LRBA: variants seen among roughly 807,000 people sequenced by gnomAD.
The protein encoded by LRBA is LPS responsive beige-like anchor protein.
LRBA carries 176 observed loss-of-function variants against 330.0 expected under a neutral mutation model. The observed-to-expected ratio is 0.53, with a 90% CI of 0.47 to 0.60. The LOEUF (loss-of-function observed/expected upper bound fraction) is 0.60. Ranked by LOEUF, LRBA falls within the 20% of genes least tolerant of loss-of-function variation. LRBA has a pLI of 0.00. For missense variants in LRBA, 3,259 were observed against 3,444.8 expected, an observed-to-expected ratio of 0.95 and a Z score of 1.35; for synonymous variants, 1,230 against 1,193.0, an observed-to-expected ratio of 1.03 and a Z score of -0.64.
chr4:150,744,451 CA>C (rs1303738956), intron 35 of LRBA, among the ~76,000 whole-genome samples: 2 of 152,140 alleles, frequency 1.3e-5, no homozygotes, highest in African/African-American at 4.8e-5. Flanking sequence ...GTAATATTCT[CA>C]GCTTTAATTT....
At chr4:150,533,990 A>G (rs1368621092) in intron 40 of LRBA, among the ~76,000 whole-genome samples, 1 of 152,112 alleles carries the variant, frequency 6.6e-6, no homozygotes, top group African/African-American at 2.4e-5. Context: ...GACCCACATC[A>G]AGTATCTCTA....
intron 37 of LRBA, among the ~76,000 whole-genome samples, chr4:150,657,850 CT>C (rs1209349042): frequency 6.6e-6 from 1 of 151,994 alleles, no homozygotes; most frequent in East Asian, 1.9e-4. Context: ...TAACAGTTTG[CT>C]TTTTTTAAGT....
Position 150,349,983 on chromosome 4 carries a change from A to G in LRBA, c.7362+9T>C. Reference sequence around the variant, plus strand: ...ACTATAAGTTGCTTTCTCAATTCAGATAACTTACCTCTCTCAACACAGGAT... The same window carrying G: ...ACTATAAGTTGCTTTCTCAATTCAGGTAACTTACCTCTCTCAACACAGGAT... On this transcript the variant is annotated intron_variant, in intron 48 of 56. Transcript: ENST00000651943. 1.2e-6 allele frequency: 2 copies of G among 1,612,878 alleles called. No homozygotes were observed. Among genetic ancestry groups the G allele is most frequent in the African/African-American group, 1.3e-5 (1 of 74,926 alleles).
intron 25 of LRBA, 108 bp downstream of exon 25, chr4:150,849,313 AT>A: frequency 1.1e-6 from 1 of 926,748 alleles, no homozygotes; most frequent in Non-Finnish European, 1.7e-6. Context: ...ATTGTTTTTT[AT>A]TTATAGCACC....
intron 2 of LRBA, among the ~76,000 whole-genome samples, chr4:151,005,883 C>T (rs1343177168): frequency 2.6e-5 from 4 of 151,986 alleles, no homozygotes; most frequent in Admixed American, 1.3e-4. Context: ...GACTTACAGA[C>T]GTGAGCCACC....
In LRBA at chr4:151,014,925, G is replaced by A. The variant is rs1745256551; in HGVS notation, c.-219-64C>T. 8.7e-6 allele frequency: 3 copies of A among 343,580 alleles called. No individual in the cohort carries two copies. In the Admixed American group the frequency reaches 1.3e-4, roughly 15 times the overall value. The allele number at this position is 343,580 out of a possible 1,614,324, so 21.3% of individuals were successfully genotyped here. On this transcript the variant is annotated intron_variant, in intron 1 of 56. Coordinates refer to ENST00000651943, the MANE Select transcript of LRBA (RefSeq NM_001364905.1). ...TTGTTTTAGGGTTTTGAGGGGACAAGAGGGAAATAGTTATTGTCGGTCAAG... is the reference window on the plus strand; with the variant it reads ...TTGTTTTAGGGTTTTGAGGGGACAAAAGGGAAATAGTTATTGTCGGTCAAG...
chr4:150,470,867 ACACACACAC>A (rs1395400461), intron 43 of LRBA, among the ~76,000 whole-genome samples: 4 of 127,436 alleles, frequency 3.1e-5, no homozygotes, highest in South Asian at 2.7e-4. Flanking sequence ...ACACACACAC[ACACACACAC>A]CACACACTAA....
chr4:150,686,381 G>A (rs1783631285), intron 36 of LRBA, among the ~76,000 whole-genome samples: 2 of 152,180 alleles, frequency 1.3e-5, no homozygotes, highest in South Asian at 4.1e-4. Context: ...CCAAACCACA[G>A]AAGAGTTCAC....
At chr4:150,974,322 C>T (rs1739909253) in intron 2 of LRBA, among the ~76,000 whole-genome samples, 2 of 152,212 alleles carry the variant, frequency 1.3e-5, no homozygotes, top group African/African-American at 4.8e-5. Context: ...TGAGAAATTG[C>T]TCTAGAAATC....
At chr4:150,504,613 C>A (rs1760792332) in intron 40 of LRBA, among the ~76,000 whole-genome samples, 1 of 152,210 alleles carries the variant, frequency 6.6e-6, no homozygotes, top group South Asian at 2.1e-4. Context: ...TGGAAAGGAA[C>A]AACTGGTACC....
At chr4:150,840,755 A>G (rs1397895620) in intron 28 of LRBA, 1 of 210,222 alleles carries the variant, frequency 4.8e-6, no homozygotes, top group Non-Finnish European at 9.5e-6. Flanking sequence ...TGGCATGGAT[A>G]GACTAGTTCA....
At position 150,264,664 on chromosome 4, in the gene LRBA, A is replaced by AACAT. The variant is rs1351971627; in HGVS notation, c.*1054_*1057dup. 1.3e-5 allele frequency: 2 copies of AACAT among 152,666 alleles called. No homozygotes were observed. The highest frequency in any genetic ancestry group is 4.8e-5 in the African/African-American group (2 of 41,460). 9.5% of individuals were successfully genotyped at this position (152,666 alleles called of 1,614,324 possible). ...AAGAGAAATAGAGATCAAAGTTCAC[A>AACAT]ACATACAAAGAATTTATTTATGCAA... is the stretch of plus-strand genomic sequence containing the variant. On this transcript the variant is annotated 3_prime_UTR_variant, in exon 57 of 57. Coordinates refer to ENST00000651943, the MANE Select transcript of LRBA (RefSeq NM_001364905.1).
intron 2 of LRBA, among the ~76,000 whole-genome samples, chr4:150,954,817 C>CAAAAAAAAAAAAAAAAA (rs34282784): frequency 1.8e-4 from 8 of 45,500 alleles, no homozygotes; most frequent in South Asian, 8.8e-4. Flanking sequence ...ACTCAGAAAT[C>CAAAAAAAAAAAAAAAAA]AAAAAAAAAA....
intron 14 of LRBA, 28 bp from the exon 15 acceptor site, chr4:150,897,846 T>G (rs774720404): frequency 6.8e-7 from 1 of 1,475,072 alleles, no homozygotes; most frequent in Non-Finnish European, 9.5e-7. Flanking sequence ...ACATACACAT[T>G]TAGTATTTAA....
intron 40 of LRBA, among the ~76,000 whole-genome samples, chr4:150,567,431 C>A (rs1769279431): frequency 6.6e-6 from 1 of 152,028 alleles, no homozygotes; most frequent in Non-Finnish European, 1.5e-5. Context: ...AAGAAACTGT[C>A]ATGGACAACT....
chr4:150,602,233 T>C (rs1292580072), intron 37 of LRBA, among the ~76,000 whole-genome samples: 2 of 152,164 alleles, frequency 1.3e-5, no homozygotes, highest in African/African-American at 4.8e-5. Context: ...ACAATTTCAA[T>C]ATATTTTTTG....
At chr4:150,860,009 A>C (rs756211897) in intron 22 of LRBA, among the ~76,000 whole-genome samples, 4 of 152,202 alleles carry the variant, frequency 2.6e-5, no homozygotes, top group Non-Finnish European at 5.9e-5. Context: ...CTACTTACTG[A>C]ATCACTACAG....
chr4:150,915,708 A>G lies in LRBA; in HGVS notation c.914T>C (p.Val305Ala). ...ATTCTTCCATCGGTTATAGATGTGT[A>G]CTATGGTAACCATATACCACTGCAG... is the stretch of plus-strand genomic sequence containing the variant. ...KPQKWYMVTIVHIYNRWKNSE... is the reference protein window; with the variant it reads ...KPQKWYMVTIAHIYNRWKNSE... The change falls in exon 8 of 57, where the codon GTA (valine) becomes GCA (alanine). Residue 305 changes from valine to alanine, a missense_variant. Transcript: ENST00000651943. 1 of 1,610,266 alleles carries G rather than the reference A, an allele frequency of 6.2e-7. No homozygotes were observed. Among genetic ancestry groups the G allele is most frequent in the Non-Finnish European group, 8.5e-7 (1 of 1,178,530 alleles).
At chr4:150,898,426 A>G (rs1579133882) in intron 14 of LRBA, among the ~76,000 whole-genome samples, 1 of 152,236 alleles carries the variant, frequency 6.6e-6, no homozygotes, top group East Asian at 1.9e-4. Flanking sequence ...TGTCTCAAAC[A>G]TATAATTCCC....
Sources: allele counts gnomAD v4.1 joint callset (sites outside exome capture counted in the v4.1 genomes callset), GRCh38; gene constraint gnomAD v4.1.1; transcripts MANE v1.5; gene names NCBI Gene and HGNC (gene_info 2026-07-23, HGNC 2026-07-21).